Variants in RHBDF2 observed in about 807,000 individuals in gnomAD.
The protein encoded by RHBDF2 is rhomboid 5 homolog 2, also known as inactive rhomboid protein 2.
A neutral mutation model predicts 95.2 loss-of-function variants in RHBDF2; 38 were observed. The ratio of observed to expected loss-of-function variants is 0.40; its 90% CI spans 0.31 to 0.52. The LOEUF is 0.52. Ranked by LOEUF, RHBDF2 falls within the 20% of genes least tolerant of loss-of-function variation. RHBDF2 has a pLI of 0.56. For synonymous variants in RHBDF2, 442 were observed against 462.0 expected (o/e 0.96, Z 0.55); for missense variants, 863 against 1,137.7 (o/e 0.76, Z 3.47).
In RHBDF2 at chr17:76,474,405, C is replaced by G; in HGVS notation, c.1432G>C (p.Gly478Arg). ...SGCCVQNDHS[G>R]CIQTQRKDCS... Reference sequence around the variant, plus strand: ...TCCTTCCGCTGGGTCTGGATGCATCCGGAGTGGTCATTCTGGACACAGCAG... The same window carrying G: ...TCCTTCCGCTGGGTCTGGATGCATCGGGAGTGGTCATTCTGGACACAGCAG... Residue 478 changes from glycine to arginine, a missense_variant, in exon 12 of 19, where the codon GGA (glycine) becomes CGA (arginine). Around this residue, in one of 2 missense-constraint regions of RHBDF2, gnomAD observed 611 missense variants for 725.5 expected, o/e 0.84. Transcript: ENST00000675367. 6.2e-7 allele frequency: 1 copy of G among 1,613,754 alleles called. No individual in the cohort carries two copies. Among genetic ancestry groups the G allele is most frequent in the Non-Finnish European group, 8.5e-7 (1 of 1,179,972 alleles).
chr17:76,475,687 T>C (rs1446679152), intron 9 of RHBDF2, among the ~76,000 whole-genome samples: 1 of 151,986 alleles, frequency 6.6e-6, no homozygotes, highest in African/African-American at 2.4e-5. Flanking sequence ...GTTCAAGCGA[T>C]TCTCCTGCCT....
intron 9 of RHBDF2, 186 bp downstream of exon 9, chr17:76,476,643 CT>C (rs1407877761): frequency 4.8e-6 from 4 of 827,520 alleles, no homozygotes; most frequent in African/African-American, 1.7e-5. Flanking sequence ...GCAAGCACCC[CT>C]GGCCCTTCCC....
At chr17:76,500,819 A>G (rs1280219409) in intron 1 of RHBDF2, 1 of 152,290 alleles carries the variant, frequency 6.6e-6, no homozygotes, top group Non-Finnish European at 1.5e-5. Flanking sequence ...TCCTGGGTCC[A>G]ATTTCTGAGC....
chr17:76,484,585 G>A (rs1233172840), intron 2 of RHBDF2, among the ~76,000 whole-genome samples: 3 of 47,142 alleles, frequency 6.4e-5, no homozygotes, highest in Admixed American at 3.9e-4. Context: ...CAAGCCCCCT[G>A]AGACTGATCA....
chr17:76,481,665 C>G, intron 2 of RHBDF2, 120 bp from the exon 3 acceptor site: 1 of 931,866 alleles, frequency 1.1e-6, no homozygotes, highest in Non-Finnish European at 1.6e-6. Context: ...GTTCAAACAT[C>G]TCTGGGCGGC....
At position 76,473,333 on chromosome 17, in the gene RHBDF2, G is replaced by C. The variant is rs371635375; in HGVS notation, c.1734-6C>G. The C allele has an allele frequency of 6.2e-7, 1 of 1,608,692 alleles. No individual in the cohort carries two copies. The highest frequency in any genetic ancestry group is 1.7e-5 in the Admixed American group (1 of 59,312). ...CCCGGGTGGTGATCTCACAGCTAAG[G>C]GGGTGGTGAGGCAAGAGGGGACATC... On this transcript the variant is annotated splice_region_variant and splice_polypyrimidine_tract_variant and intron_variant, in intron 15 of 18. Transcript: ENST00000675367.
In RHBDF2 at chr17:76,473,234, A is replaced by G. The variant is rs1326966649; in HGVS notation, c.1809+18T>C. The G allele has an allele frequency of 6.2e-7, 1 of 1,610,354 alleles. No individual in the cohort carries two copies. Among genetic ancestry groups the G allele is most frequent in the Admixed American group, 1.7e-5 (1 of 59,534 alleles). On this transcript the variant is annotated intron_variant, in intron 16 of 18. Transcript: ENST00000675367. Reference sequence around the variant, plus strand: ...CCAGCGTCCTCTCCTCCACTACTCCAGGCCTGCCTCGCCTCACCTGGGAGC... The same window carrying G: ...CCAGCGTCCTCTCCTCCACTACTCCGGGCCTGCCTCGCCTCACCTGGGAGC...
At chr17:76,478,497 G>A (rs2073843719) in intron 6 of RHBDF2, among the ~76,000 whole-genome samples, 1 of 152,246 alleles carries the variant, frequency 6.6e-6, no homozygotes, top group African/African-American at 2.4e-5. Context: ...ACAGGGACTT[G>A]GAAAACCCGG....
In RHBDF2 at chr17:76,474,528, G is replaced by C. The variant is rs2073702078; in HGVS notation, c.1309C>G (p.Leu437Val). 2 of 1,613,986 alleles carry C rather than the reference G, an allele frequency of 1.2e-6. No individual in the cohort carries two copies. Among genetic ancestry groups the C allele is most frequent in the Non-Finnish European group, 1.7e-6 (2 of 1,179,980 alleles). Reference protein sequence around the residue: ...NFWVGPSSIDLIHLGAKFSPC... With the variant: ...NFWVGPSSIDVIHLGAKFSPC... ...GAGAACTTGGCCCCCAGGTGGATCA[G>C]GTCAATCTGGGGAAGGGAAAGGGAG... Residue 437 changes from leucine (L) to valine (V), a missense_variant, in exon 12 of 19, where the codon CTG becomes GTG. By Grantham distance (32) the Leu-to-Val change is conservative. Transcript: ENST00000675367.
rs1342295378 is a variant in RHBDF2, at chr17:76,476,800, T to G, written c.1115+30A>C. The G allele has an allele frequency of 1.9e-6, 3 of 1,556,556 alleles. No individual in the cohort carries two copies. In the African/African-American group the frequency reaches 4.1e-5, roughly 21 times the overall value. ...CAGAGGAATTTGGAACCTTCCAGGC[T>G]CTCCTGGGGGCTCCAGGGCGACACC... is the stretch of plus-strand genomic sequence containing the variant. On this transcript the variant is annotated intron_variant, in intron 9 of 18. Coordinates refer to ENST00000675367, the MANE Select transcript of RHBDF2 (RefSeq NM_001005498.4).
intron 9 of RHBDF2, 87 bp from the exon 10 acceptor site, chr17:76,475,228 T>A: frequency 1.1e-6 from 1 of 904,960 alleles, no homozygotes; most frequent in Non-Finnish European, 1.8e-6. Context: ...CCTGGTCACA[T>A]GGCTCGCCTG....
intron 18 of RHBDF2, 170 bp from the exon 19 acceptor site, chr17:76,472,222 C>G (rs148742908): frequency 1.5e-6 from 1 of 648,624 alleles, no homozygotes; most frequent in African/African-American, 1.8e-5. Flanking sequence ...GGGCCTGCTC[C>G]GCCCATTCTT....
chr17:76,497,648 T>G (rs1419181148), intron 1 of RHBDF2, among the ~76,000 whole-genome samples: 1 of 152,212 alleles, frequency 6.6e-6, no homozygotes, highest in Non-Finnish European at 1.5e-5. Context: ...GGCCGGGCAC[T>G]GCACTGCAGG....
At position 76,477,233 on chromosome 17, in the gene RHBDF2, T is replaced by G; in HGVS notation, c.867A>C (p.Arg289=). The change falls in exon 8 of 19, where the codon CGA becomes CGC. Residue 289 remains arginine (R), a synonymous_variant. Coordinates refer to ENST00000675367, the MANE Select transcript of RHBDF2 (RefSeq NM_001005498.4). Reference sequence around the variant, plus strand: ...CAGGGGAGGCTGAGTGTGGGATCCCTCGGAAGTAGCTGGCAGAGAGTGGGG... The same window carrying G: ...CAGGGGAGGCTGAGTGTGGGATCCCGCGGAAGTAGCTGGCAGAGAGTGGGG... ...ESPPLSASYF[R]GIPHSASPVS... 2 of 1,608,380 alleles carry G rather than the reference T, an allele frequency of 1.2e-6. No homozygotes were observed. The highest frequency in any genetic ancestry group is 1.7e-6 in the Non-Finnish European group (2 of 1,178,446).
Position 76,479,647 on chromosome 17 carries a change from A to G in RHBDF2, c.272+86T>C, listed in dbSNP as rs545242011. 2.5e-4 allele frequency: 257 copies of G among 1,039,856 alleles called. 1 individual carries two copies. In the Middle Eastern group the frequency reaches 2.7e-3, roughly 11 times the overall value. 64.4% of individuals were successfully genotyped at this position (1,039,856 alleles called of 1,614,324 possible). On this transcript the variant is annotated intron_variant, in intron 4 of 18. Transcript: ENST00000675367. The stretch of plus-strand genomic sequence containing the variant: ...CCTCCTCCTTCCAGAGAGGGGACGC[A>G]GGGACCAGGCCCAATCATGTCCAGG...
chr17:76,488,711 G>A (rs2074213013), intron 1 of RHBDF2, among the ~76,000 whole-genome samples: 1 of 152,196 alleles, frequency 6.6e-6, no homozygotes, highest in Admixed American at 6.5e-5. Context: ...CACTTTGGGA[G>A]GCTGAGGAGG....
At chr17:76,499,443 C>A (rs927703475) in intron 1 of RHBDF2, among the ~76,000 whole-genome samples, 2 of 152,192 alleles carry the variant, frequency 1.3e-5, no homozygotes, top group Admixed American at 1.3e-4. Flanking sequence ...TCTGAGTCAT[C>A]CCTACTGGGG....
At chr17:76,472,518 C>A in intron 18 of RHBDF2, 168 bp downstream of exon 18, 1 of 826,028 alleles carries the variant, frequency 1.2e-6, no homozygotes, top group Admixed American at 2.0e-5. Flanking sequence ...TTCCCTCTCA[C>A]TGGGATTAAG....
At chr17:76,472,474 G>A (rs945968574) in intron 18 of RHBDF2, 8 of 667,068 alleles carry the variant, frequency 1.2e-5, no homozygotes, top group South Asian at 6.8e-5. Context: ...TAAATGAGGC[G>A]GTGGAGGGAC....
Sources: allele counts gnomAD v4.1 joint callset (sites outside exome capture counted in the v4.1 genomes callset), GRCh38; gene constraint gnomAD v4.1.1; regional missense constraint gnomAD v4.1.1; transcripts MANE v1.5; gene names NCBI Gene and HGNC (gene_info 2026-07-23, HGNC 2026-07-21).